The following EXOC6B variants were observed in gnomAD, a reference collection of about 807,000 sequenced individuals.
The protein encoded by EXOC6B is exocyst complex component 6B.
Under a neutral mutation model 113.5 loss-of-function variants are expected in EXOC6B, and 54 were observed. That is an observed-to-expected ratio of 0.48 (90% CI 0.38 to 0.60). The LOEUF is 0.60. EXOC6B is among the 20% of genes least tolerant of loss of function. The pLI, the probability that EXOC6B is intolerant of heterozygous loss-of-function variation, is 0.00. For missense variants in EXOC6B, 797 were observed against 977.5 expected, an observed-to-expected ratio of 0.82 and a Z score of 2.46; for synonymous variants, 357 against 339.0, an observed-to-expected ratio of 1.05 and a Z score of -0.58.
intron 20 of EXOC6B, among the ~76,000 whole-genome samples, chr2:72,256,833 A>ATT (rs1040284233): frequency 6.6e-6 from 1 of 152,184 alleles, no homozygotes; most frequent in African/African-American, 2.4e-5. Context: ...TAAATTTTAT[A>ATT]TTTGGGATTA....
intron 5 of EXOC6B, among the ~76,000 whole-genome samples, chr2:72,730,620 A>G (rs996078634): frequency 4.3e-5 from 6 of 140,590 alleles, no homozygotes; most frequent in Non-Finnish European, 9.5e-5. Context: ...ACACACACAC[A>G]CGCTATTGGT....
chr2:72,401,565 A>G (rs897222626), intron 18 of EXOC6B, among the ~76,000 whole-genome samples: 10 of 25,700 alleles, frequency 3.9e-4, no homozygotes, highest in Admixed American at 6.3e-4. Flanking sequence ...ATATATATAT[A>G]CATATATATA....
chr2:72,541,166 G>C (rs1702582994), intron 8 of EXOC6B, among the ~76,000 whole-genome samples: 1 of 152,088 alleles, frequency 6.6e-6, no homozygotes, highest in African/African-American at 2.4e-5. Context: ...GTTTATCAAG[G>C]GTTTCCACTT....
chr2:72,472,359 C>G (rs781059107), intron 17 of EXOC6B, among the ~76,000 whole-genome samples: 4 of 152,072 alleles, frequency 2.6e-5, no homozygotes, highest in African/African-American at 4.8e-5. Flanking sequence ...TGTTCAGATA[C>G]TATTTATTAC....
chr2:72,287,297 G>A (rs1267437466), intron 20 of EXOC6B, among the ~76,000 whole-genome samples: 2 of 151,676 alleles, frequency 1.3e-5, no homozygotes, highest in Non-Finnish European at 2.9e-5. Flanking sequence ...CGGGCGTGGT[G>A]TCAGGCACCT....
intron 13 of EXOC6B, 122 bp downstream of exon 13, chr2:72,498,332 C>T (rs1700142721): frequency 1.6e-6 from 1 of 615,058 alleles, no homozygotes; most frequent in Non-Finnish European, 2.7e-6. Context: ...CCTAGAGTAG[C>T]TACAAAATAT....
rs545148499 is a variant in EXOC6B, at chr2:72,761,147, T to C, written c.114-19678A>G. 1.6e-4 allele frequency among the ~76,000 whole-genome samples: 24 copies of C among 152,188 alleles called. No individual in the cohort carries two copies. The East Asian group carries it at 4.6e-3, about 29-fold the overall frequency. On this transcript the variant is annotated intron_variant, in intron 1 of 21. Coordinates refer to ENST00000272427, the MANE Select transcript of EXOC6B (RefSeq NM_015189.3). Reference sequence around the variant, plus strand: ...GTAAGCCGAGATTGTGCCACTGCACTGCAACCTGGCTGAAGAGCAAGACTC... The same window carrying C: ...GTAAGCCGAGATTGTGCCACTGCACCGCAACCTGGCTGAAGAGCAAGACTC...
At chr2:72,398,588 T>C (rs1016752448) in intron 18 of EXOC6B, among the ~76,000 whole-genome samples, 1 of 151,790 alleles carries the variant, frequency 6.6e-6, no homozygotes, top group South Asian at 2.1e-4. Flanking sequence ...TCCCAGCTAC[T>C]TAGGTGGCTG....
chr2:72,285,333 AATAT>A, intron 20 of EXOC6B, among the ~76,000 whole-genome samples: 1 of 152,174 alleles, frequency 6.6e-6, no homozygotes, highest in East Asian at 1.9e-4. Context: ...CAGTCAGAAA[AATAT>A]ATATAAAAAA....
intron 7 of EXOC6B, among the ~76,000 whole-genome samples, chr2:72,565,765 G>A (rs1704135505): frequency 2.6e-5 from 4 of 152,074 alleles, no homozygotes; most frequent in Admixed American, 2.6e-4. Context: ...CTATGAGAAT[G>A]GCAGAAATTC....
At chr2:72,451,654 C>CTG (rs141514102) in intron 18 of EXOC6B, among the ~76,000 whole-genome samples, 6,449 of 142,536 alleles carry the variant, frequency 0.045, 158 homozygotes, top group Middle Eastern at 0.082. Flanking sequence ...GTCTTTGTGC[C>CTG]TGTGTGTGTG....
In EXOC6B at chr2:72,179,223, A is replaced by G; in HGVS notation, c.*112T>C. ...ATACTGCACAGGGGTTAATAAAAAA[A>G]TACATATGCTCTCTTTGAAGAAGAA... On this transcript the variant is annotated 3_prime_UTR_variant, in exon 22 of 22. Transcript: ENST00000272427. 1 of 1,267,106 alleles carries G rather than the reference A, an allele frequency of 7.9e-7. No homozygotes were observed. Among genetic ancestry groups the G allele is most frequent in the Non-Finnish European group, 1.1e-6 (1 of 936,828 alleles). The allele number at this position is 1,267,106 out of a possible 1,614,324, so 78.5% of individuals were successfully genotyped here. A position where few individuals can be genotyped will look rare whatever the true frequency, so the allele number is the denominator to read the frequency against.
chr2:72,625,357 T>C (rs939782620), intron 6 of EXOC6B, among the ~76,000 whole-genome samples: 1 of 152,086 alleles, frequency 6.6e-6, no homozygotes, highest in Non-Finnish European at 1.5e-5. Context: ...GAAACTGAAA[T>C]AGTCTTTTCA....
intron 1 of EXOC6B, among the ~76,000 whole-genome samples, chr2:72,816,090 C>T (rs1232064320): frequency 2.0e-5 from 3 of 152,088 alleles, no homozygotes; most frequent in South Asian, 2.1e-4. Context: ...GCCCGGGAGG[C>T]GGAGGTTGCA....
intron 18 of EXOC6B, among the ~76,000 whole-genome samples, chr2:72,428,630 T>C (rs1160594124): frequency 6.6e-6 from 1 of 152,154 alleles, no homozygotes; most frequent in Non-Finnish European, 1.5e-5. Flanking sequence ...GAGCGCAGCC[T>C]ACCAGGCTGA....
At chr2:72,221,301 T>C (rs1680850677) in intron 20 of EXOC6B, among the ~76,000 whole-genome samples, 1 of 152,324 alleles carries the variant, frequency 6.6e-6, no homozygotes. Flanking sequence ...TAAAGGACTC[T>C]ACGTTAGTTA....
intron 20 of EXOC6B, among the ~76,000 whole-genome samples, chr2:72,260,487 T>C (rs1053200551): frequency 2.6e-5 from 4 of 152,208 alleles, no homozygotes; most frequent in African/African-American, 9.6e-5. Context: ...ATTTAAAATA[T>C]GTCACCACAC....
intron 18 of EXOC6B, among the ~76,000 whole-genome samples, chr2:72,448,583 A>G (rs1361734658): frequency 6.6e-6 from 1 of 152,206 alleles, no homozygotes; most frequent in Non-Finnish European, 1.5e-5. Flanking sequence ...GAATAAATGA[A>G]CTAAATGTTA....
intron 6 of EXOC6B, among the ~76,000 whole-genome samples, chr2:72,620,589 G>C (rs542202253): frequency 6.7e-6 from 1 of 149,126 alleles, no homozygotes; most frequent in Non-Finnish European, 1.5e-5. Flanking sequence ...CTCAATATCC[G>C]CCTTGGCAAA....
Sources: gnomAD v4.1 joint callset for allele counts (sites outside exome capture counted in the v4.1 genomes callset) on GRCh38, gnomAD v4.1.1 for gene constraint, MANE v1.5 for transcripts, NCBI Gene and HGNC (gene_info 2026-07-23, HGNC 2026-07-21) for gene names.